Variants in GALNT11 observed in about 807,000 individuals in gnomAD.
The protein encoded by GALNT11 is polypeptide N-acetylgalactosaminyltransferase 11, also known as UDP-GalNAc:polypeptide N-acetylgalactosaminyltransferase 11.
In GALNT11, 47 loss-of-function variants were observed where a neutral mutation model predicts 72.7. The observed-to-expected ratio is 0.65, with a 90% CI of 0.51 to 0.82. The LOEUF (loss-of-function observed/expected upper bound fraction) is 0.82, where lower values mean the gene tolerates loss of function less well. Among genes scored for constraint, GALNT11 ranks in the 40% least tolerant of loss-of-function variants. The probability of loss-of-function intolerance (pLI) is 0.00; values close to 1 mark genes in which losing one functional copy is unlikely to be tolerated. For synonymous variants in GALNT11, 270 were observed against 286.6 expected, an observed-to-expected ratio of 0.94 and a Z score of 0.58; for missense variants, 677 against 778.4, an observed-to-expected ratio of 0.87 and a Z score of 1.55.
intron 8 of GALNT11, chr7:152,116,849 A>G (rs2088909598): frequency 3.9e-6 from 2 of 516,012 alleles, no homozygotes; most frequent in South Asian, 3.2e-5. Context: ...TATTTTAAGG[A>G]ATTAATAATT....
chr7:152,109,983 A>AT (rs1217554115), intron 6 of GALNT11, among the ~76,000 whole-genome samples: 1 of 152,176 alleles, frequency 6.6e-6, no homozygotes, highest in East Asian at 1.9e-4. Context: ...CCTCTTGTGC[A>AT]TTTTAGGATA....
At chr7:152,070,186 C>T (rs2084552706) in intron 1 of GALNT11, among the ~76,000 whole-genome samples, 1 of 151,954 alleles carries the variant, frequency 6.6e-6, no homozygotes, top group South Asian at 2.1e-4. Context: ...TTAGTGGAGA[C>T]AGGGTTTTAC....
At chr7:152,110,707 A>G in intron 7 of GALNT11, 62 bp downstream of exon 7, 2 of 1,193,364 alleles carry the variant, frequency 1.7e-6, no homozygotes, top group Non-Finnish European at 2.4e-6. Flanking sequence ...TTCATCCATG[A>G]TCTCATATTT....
At chr7:152,060,272 A>T (rs74489257) in intron 1 of GALNT11, among the ~76,000 whole-genome samples, 1 of 152,182 alleles carries the variant, frequency 6.6e-6, no homozygotes, top group Admixed American at 6.5e-5. Context: ...TTGATCTTCT[A>T]TCTGGAGCAC....
chr7:152,096,720 A>G (rs974408468), intron 2 of GALNT11, among the ~76,000 whole-genome samples: 5 of 151,966 alleles, frequency 3.3e-5, no homozygotes, highest in African/African-American at 1.2e-4. Flanking sequence ...GTCTCAAAAA[A>G]AAAAAAAAAA....
intron 7 of GALNT11, among the ~76,000 whole-genome samples, chr7:152,112,406 T>C (rs1013527859): frequency 2.0e-5 from 3 of 151,988 alleles, no homozygotes; most frequent in Non-Finnish European, 2.9e-5. Context: ...CTGGGCGTGG[T>C]GGCGGGTGCC....
intron 1 of GALNT11, among the ~76,000 whole-genome samples, chr7:152,083,068 C>T (rs933479752): frequency 1.3e-5 from 2 of 152,178 alleles, no homozygotes; most frequent in Non-Finnish European, 2.9e-5. Context: ...AAAACCAACA[C>T]TGAGATATTA....
At chr7:152,047,944 A>G (rs1302201685) in intron 1 of GALNT11, among the ~76,000 whole-genome samples, 6 of 151,960 alleles carry the variant, frequency 3.9e-5, no homozygotes, top group African/African-American at 1.5e-4. Flanking sequence ...CTCACACACC[A>G]CAATGACGGT....
At chr7:152,066,725 G>A (rs2084334488) in intron 1 of GALNT11, among the ~76,000 whole-genome samples, 1 of 152,180 alleles carries the variant, frequency 6.6e-6, no homozygotes, top group South Asian at 2.1e-4. Context: ...GGCCCAAGGA[G>A]TTGGGGAAAG....
chr7:152,043,120 A>G (rs552709399), intron 1 of GALNT11, among the ~76,000 whole-genome samples: 20 of 152,328 alleles, frequency 1.3e-4, no homozygotes, highest in Non-Finnish European at 4.4e-5. Flanking sequence ...CGGCACAATT[A>G]GGAGCTGTGC....
intron 1 of GALNT11, among the ~76,000 whole-genome samples, chr7:152,085,972 C>CT (rs1418497662): frequency 1.3e-5 from 2 of 151,788 alleles, no homozygotes; most frequent in African/African-American, 4.8e-5. Flanking sequence ...ACTGCAACCT[C>CT]TGAGTCCCTG....
chr7:152,058,634 C>G (rs1410545402), intron 1 of GALNT11, among the ~76,000 whole-genome samples: 1 of 152,106 alleles, frequency 6.6e-6, no homozygotes, highest in Non-Finnish European at 1.5e-5. Flanking sequence ...CTGTGCCTGG[C>G]CAAGTTCTTA....
chr7:152,054,365 T>G (rs938684194), intron 1 of GALNT11, among the ~76,000 whole-genome samples: 4 of 150,342 alleles, frequency 2.7e-5, no homozygotes, highest in African/African-American at 9.7e-5. Context: ...TTCAGGATAG[T>G]AAAAAGGTCT....
chr7:152,057,288 C>T (rs2083738516), intron 1 of GALNT11, among the ~76,000 whole-genome samples: 1 of 150,260 alleles, frequency 6.7e-6, no homozygotes, highest in African/African-American at 2.5e-5. Context: ...TGAAGCAAAT[C>T]TCAGATATTA....
chr7:152,082,357 T>C (rs1384651075), intron 1 of GALNT11, among the ~76,000 whole-genome samples: 2 of 152,236 alleles, frequency 1.3e-5, no homozygotes, highest in Non-Finnish European at 2.9e-5. Context: ...GCATCCACCC[T>C]ACTGCTGTGT....
rs1214306099 is a variant in GALNT11 at position 152,112,059 on chromosome 7, C to T, written c.1081-1187C>T. On this transcript the variant is annotated intron_variant, in intron 7 of 11. Coordinates refer to ENST00000430044, the MANE Select transcript of GALNT11 (RefSeq NM_022087.4). Reference sequence around the variant, plus strand: ...GTGGCTCAGAGGACCATGGTGTAGACAGTCTTTGGGAAAGGCAGAAAGAGG... The same window carrying T: ...GTGGCTCAGAGGACCATGGTGTAGATAGTCTTTGGGAAAGGCAGAAAGAGG... Among the ~76,000 whole-genome samples the T allele has an allele frequency of 2.0e-5, 3 of 150,816 alleles. No homozygotes were observed. The East Asian group carries it at 6.0e-4, about 30-fold the overall frequency.
chr7:152,063,535 G>A lies in GALNT11; in HGVS notation c.-38-30655G>A, dbSNP rs187529693. Among the ~76,000 whole-genome samples, 298 of 152,232 alleles carry A rather than the reference G, an allele frequency of 2.0e-3. 3 individuals are homozygous for A. Among genetic ancestry groups the A allele is most frequent in the South Asian group, 4.6e-3 (22 of 4,830 alleles). ...GAATGTGTTTGCTCTTGCTTCTCTA[G>A]TTCTTTTAATTGTATGTTAGGGTGT... On this transcript the variant is annotated intron_variant, in intron 1 of 11. Coordinates refer to ENST00000430044, the MANE Select transcript of GALNT11 (RefSeq NM_022087.4).
intron 4 of GALNT11, 99 bp downstream of exon 4, chr7:152,103,377 G>C: frequency 8.0e-7 from 1 of 1,257,158 alleles, no homozygotes; most frequent in Non-Finnish European, 1.1e-6. Context: ...CGTGGTAGGT[G>C]GGGATCCTAC....
chr7:152,101,779 G>A (rs1435075095), intron 3 of GALNT11, among the ~76,000 whole-genome samples: 1 of 151,934 alleles, frequency 6.6e-6, no homozygotes, highest in Non-Finnish European at 1.5e-5. Flanking sequence ...GACTACAGGC[G>A]TGCACCACCA....
Sources: allele counts gnomAD v4.1 joint callset (sites outside exome capture counted in the v4.1 genomes callset), GRCh38; gene constraint gnomAD v4.1.1; transcripts MANE v1.5; gene names NCBI Gene and HGNC (gene_info 2026-07-23, HGNC 2026-07-21).